The following WDPCP variants were observed in gnomAD, a reference collection of about 807,000 sequenced individuals.
WDPCP encodes the protein WD repeat-containing and planar cell polarity effector protein fritz homolog.
In WDPCP, 71 loss-of-function variants were observed where a neutral mutation model predicts 93.1. The ratio of observed to expected loss-of-function variants is 0.76; its 90% CI spans 0.63 to 0.93. WDPCP has a LOEUF of 0.93. Among genes scored for constraint, WDPCP ranks in the 40% least tolerant of loss-of-function variants. WDPCP has a pLI of 0.00. For synonymous variants in WDPCP, 315 were observed against 315.0 expected, an observed-to-expected ratio of 1.00 and a Z score of 0.00; for missense variants, 844 against 887.4, an observed-to-expected ratio of 0.95 and a Z score of 0.62.
At chr2:63,225,847 G>A (rs1466585509) in intron 14 of WDPCP, among the ~76,000 whole-genome samples, 1 of 151,778 alleles carries the variant, frequency 6.6e-6, no homozygotes, top group Non-Finnish European at 1.5e-5. Context: ...CCAAAACCAG[G>A]TGAAACTGAT....
At chr2:63,802,281 TAAAAAAAAAAA>T (rs58717654) in intron 2 of WDPCP, among the ~76,000 whole-genome samples, 806 of 54,124 alleles carry the variant, frequency 0.015, 6 homozygotes, top group African/African-American at 0.041. Context: ...CCCTCTCTCT[TAAAAAAAAAAA>T]AAAAAAAAAA....
chr2:63,165,759 T>C (rs894223587), intron 15 of WDPCP, among the ~76,000 whole-genome samples: 2 of 151,484 alleles, frequency 1.3e-5, no homozygotes, highest in African/African-American at 2.4e-5. Flanking sequence ...TAGTCTCTTA[T>C]GATTAAAAAG....
intron 13 of WDPCP, among the ~76,000 whole-genome samples, chr2:63,285,417 G>C (rs1345151495): frequency 7.0e-6 from 1 of 143,758 alleles, no homozygotes; most frequent in Non-Finnish European, 1.5e-5. Flanking sequence ...CTGGGTGACA[G>C]AGTGAGACTC....
chr2:63,752,021 CA>C lies in WDPCP; in HGVS notation n.308+61600del, dbSNP rs1182781302. 4.8e-6 allele frequency: 3 copies of C among 627,612 alleles called. No individual in the cohort carries two copies. In the African/African-American group the frequency reaches 5.4e-5, roughly 11 times the overall value. 38.9% of individuals were successfully genotyped at this position (627,612 alleles called of 1,614,324 possible). On this transcript the variant is annotated intron_variant and non_coding_transcript_variant, in intron 2 of 4. Coordinates refer to the WDPCP transcript ENST00000467687. ...TTTCCACTGAAACAACCTCCACAAC[CA>C]ACACCAAAGTTTCCAGAACCACTTC...
chr2:63,694,698 A>G (rs1668939693), intron 2 of WDPCP, among the ~76,000 whole-genome samples: 1 of 152,148 alleles, frequency 6.6e-6, no homozygotes, highest in Non-Finnish European at 1.5e-5. Context: ...TAGGAAGCAT[A>G]AAAAAGGAAA....
At chr2:63,550,927 C>G (rs1705586601) in intron 1 of WDPCP, among the ~76,000 whole-genome samples, 1 of 151,150 alleles carries the variant, frequency 6.6e-6, no homozygotes, top group South Asian at 2.1e-4. Context: ...GCAAACCTGT[C>G]TATTTTCCTG....
chr2:63,488,294 G>A (rs1457663464), intron 2 of WDPCP, among the ~76,000 whole-genome samples: 1 of 152,056 alleles, frequency 6.6e-6, no homozygotes, highest in Non-Finnish European at 1.5e-5. Flanking sequence ...AGAGGTGGAA[G>A]CAGTACAGGC....
At chr2:63,434,689 A>T (rs186650888) in intron 8 of WDPCP, among the ~76,000 whole-genome samples, 1 of 152,282 alleles carries the variant, frequency 6.6e-6, no homozygotes, top group African/African-American at 2.4e-5. Context: ...CTGGTCAGCA[A>T]TAATCGAACC....
At chr2:63,311,276 TTTAATTTCAAAAGAG>T (rs1288915583) in intron 13 of WDPCP, among the ~76,000 whole-genome samples, 2 of 152,200 alleles carry the variant, frequency 1.3e-5, no homozygotes, top group Non-Finnish European at 2.9e-5. Flanking sequence ...TCTACAAGCT[TTTAATTTCAAAAGAG>T]GTAACATTTT....
intron 9 of WDPCP, among the ~76,000 whole-genome samples, chr2:63,420,733 A>G (rs1431996736): frequency 6.6e-6 from 1 of 152,194 alleles, no homozygotes; most frequent in Non-Finnish European, 1.5e-5. Context: ...TGTAAATGTT[A>G]TTGTATTTTG....
intron 12 of WDPCP, among the ~76,000 whole-genome samples, chr2:63,363,113 T>G (rs1336101021): frequency 3.9e-5 from 6 of 152,112 alleles, no homozygotes; most frequent in Non-Finnish European, 8.8e-5. Context: ...AAAATGTATC[T>G]ATGTTCATAA....
At chr2:63,706,686 G>A (rs1010328799) in intron 2 of WDPCP, among the ~76,000 whole-genome samples, 12 of 135,558 alleles carry the variant, frequency 8.9e-5, no homozygotes, top group East Asian at 4.2e-4. Context: ...GCGCAATCTC[G>A]GCTCACTGCA....
At chr2:63,445,312 T>C (rs1191878202) in intron 6 of WDPCP, among the ~76,000 whole-genome samples, 1 of 151,870 alleles carries the variant, frequency 6.6e-6, no homozygotes, top group Non-Finnish European at 1.5e-5. Flanking sequence ...AGAAGTGAGG[T>C]TCCTCACTGG....
At chr2:63,418,702 A>C (rs1459998489) in intron 9 of WDPCP, among the ~76,000 whole-genome samples, 1 of 152,212 alleles carries the variant, frequency 6.6e-6, no homozygotes, top group Non-Finnish European at 1.5e-5. Context: ...CATGGTGAAA[A>C]GGCAAACAGT....
At chr2:63,678,603 G>A (rs941810691) in intron 2 of WDPCP, among the ~76,000 whole-genome samples, 4 of 152,150 alleles carry the variant, frequency 2.6e-5, no homozygotes, top group African/African-American at 4.8e-5. Context: ...CAGAGGCTAG[G>A]GAGCTAAAAA....
At chr2:63,785,263 T>G (rs905910881) in intron 2 of WDPCP, among the ~76,000 whole-genome samples, 4 of 152,020 alleles carry the variant, frequency 2.6e-5, no homozygotes, top group Admixed American at 6.6e-5. Context: ...ACCAGAGGAG[T>G]TACTCCTCCT....
At chr2:63,749,520 A>T (rs1485936815) in intron 2 of WDPCP, among the ~76,000 whole-genome samples, 1 of 152,106 alleles carries the variant, frequency 6.6e-6, no homozygotes, top group East Asian at 1.9e-4. Context: ...ACACGAGTTA[A>T]TAAATTACAT....
At chr2:63,577,659 A>T (rs1404653006) in intron 1 of WDPCP, among the ~76,000 whole-genome samples, 1 of 152,164 alleles carries the variant, frequency 6.6e-6, no homozygotes, top group African/African-American at 2.4e-5. Context: ...TCAAATACAA[A>T]TTTTCCAAGC....
At chr2:63,575,429 T>TATATATACACTGTATATACA (rs1434476225) in intron 1 of WDPCP, among the ~76,000 whole-genome samples, 3 of 1,802 alleles carry the variant, frequency 1.7e-3, no homozygotes, top group African/African-American at 5.5e-3. Flanking sequence ...CTGTATACAG[T>TATATATACACTGTATATACA]GTATATACAG....
Sources: allele counts gnomAD v4.1 joint callset (sites outside exome capture counted in the v4.1 genomes callset), GRCh38; gene constraint gnomAD v4.1.1; transcripts MANE v1.5; gene names NCBI Gene and HGNC (gene_info 2026-07-23, HGNC 2026-07-21).